Variants in DLGAP2 observed in about 807,000 individuals in gnomAD.
The protein encoded by DLGAP2 is disks large-associated protein 2.
Under a neutral mutation model 100.3 loss-of-function variants are expected in DLGAP2, and 26 were observed. The ratio of observed to expected loss-of-function variants is 0.26; its 90% confidence interval spans 0.19 to 0.36. The LOEUF (loss-of-function observed/expected upper bound fraction) is 0.36. Among genes scored for constraint, DLGAP2 ranks in the 10% least tolerant of loss-of-function variants. DLGAP2 has a pLI of 1.00. For synonymous variants in DLGAP2, 886 were observed against 630.1 expected (o/e 1.41, Z -6.08); for missense variants, 1,858 against 1,453.2 (o/e 1.28, Z -4.53).
rs72507627 is a variant in DLGAP2, at chr8:1,088,888, G to C, written c.74-169963G>C. On this transcript the variant is annotated intron_variant, in intron 2 of 14. Transcript: ENST00000637795. ...CACCCCTCATCCAGCAGGCTATGCC[G>C]TTCTCGCTCCCCCCGCCTCACTCTC... Among the ~76,000 whole-genome samples, 490 of 52,142 alleles carry C rather than the reference G, an allele frequency of 9.4e-3. 31 individuals are homozygous for C. The highest frequency in any genetic ancestry group is 0.023 in the Middle Eastern group (1 of 44). 34.2% of individuals were successfully genotyped at this position (52,142 alleles called of 152,430 possible). A position where few individuals can be genotyped will look rare whatever the true frequency, so the allele number is the denominator to read the frequency against.
At chr8:1,056,675 C>G (rs1425870417) in intron 2 of DLGAP2, among the ~76,000 whole-genome samples, 1 of 152,244 alleles carries the variant, frequency 6.6e-6, no homozygotes, top group Non-Finnish European at 1.5e-5. Flanking sequence ...CACTGTGCTG[C>G]TGTCAGCATC....
chr8:1,014,876 CGAT>C (rs1286614366), intron 2 of DLGAP2, among the ~76,000 whole-genome samples: 1 of 72 alleles, frequency 0.014, no homozygotes, highest in African/African-American at 0.17. Context: ...CCAGGACAGA[CGAT>C]GCCTCCACTG....
chr8:1,509,179 A>C lies in DLGAP2; in HGVS notation c.172+7748A>C, dbSNP rs9314430. On this transcript the variant is annotated intron_variant, in intron 4 of 14. Transcript: ENST00000637795. Reference sequence around the variant, plus strand: ...AACCCCGTCTCTACTAAAATACAAAATATTAGCCGGGCATGGTGGCGGGCG... The same window carrying C: ...AACCCCGTCTCTACTAAAATACAAACTATTAGCCGGGCATGGTGGCGGGCG... 2.0e-5 allele frequency among the ~76,000 whole-genome samples: 3 copies of C among 151,710 alleles called. No individual in the cohort carries two copies. The South Asian group carries it at 6.2e-4, about 32-fold the overall frequency.
At chr8:1,198,092 CTG>C (rs58627103) in intron 2 of DLGAP2, among the ~76,000 whole-genome samples, 53 of 150,704 alleles carry the variant, frequency 3.5e-4, no homozygotes, top group Middle Eastern at 3.5e-3. Flanking sequence ...CTGTGTGGTT[CTG>C]TGTGTGTGTG....
intron 3 of DLGAP2, among the ~76,000 whole-genome samples, chr8:1,378,272 G>T (rs745820454): frequency 6.6e-6 from 1 of 150,716 alleles, no homozygotes; most frequent in Admixed American, 6.6e-5. Flanking sequence ...GACTTCGCCT[G>T]TCTGTCCTGC....
intron 4 of DLGAP2, among the ~76,000 whole-genome samples, chr8:1,534,403 T>A (rs1801084064): frequency 6.6e-6 from 1 of 152,250 alleles, no homozygotes; most frequent in Non-Finnish European, 1.5e-5. Flanking sequence ...AAGATCTGTT[T>A]TAAAGCTACT....
chr8:831,317 CA>C (rs1796778723), intron 1 of DLGAP2, among the ~76,000 whole-genome samples: 1 of 150,646 alleles, frequency 6.6e-6, no homozygotes, highest in Non-Finnish European at 1.5e-5. Context: ...CTGCACCCAT[CA>C]ACTCGTCATT....
chr8:1,098,869 C>T (rs144479277), intron 2 of DLGAP2, among the ~76,000 whole-genome samples: 183 of 152,222 alleles, frequency 1.2e-3, no homozygotes, highest in Non-Finnish European at 2.1e-3. Context: ...CGGTAGGGCC[C>T]TTCGTCCTCA....
At chr8:1,597,843 A>G (rs956447237) in intron 6 of DLGAP2, among the ~76,000 whole-genome samples, 3 of 152,130 alleles carry the variant, frequency 2.0e-5, no homozygotes, top group African/African-American at 4.8e-5. Flanking sequence ...CTCTTTTCCT[A>G]TTTGAATACC....
At chr8:783,768 T>G (rs1821763711) in intron 1 of DLGAP2, among the ~76,000 whole-genome samples, 1 of 152,172 alleles carries the variant, frequency 6.6e-6, no homozygotes, top group African/African-American at 2.4e-5. Context: ...TCCGGAATCT[T>G]GCAGGGAGTG....
intron 3 of DLGAP2, among the ~76,000 whole-genome samples, chr8:1,281,107 A>G (rs1254569375): frequency 2.6e-5 from 4 of 152,234 alleles, no homozygotes; most frequent in Admixed American, 2.0e-4. Context: ...TATGTATGCC[A>G]AGTTCTTATA....
At chr8:1,476,621 C>A (rs767578183) in intron 3 of DLGAP2, among the ~76,000 whole-genome samples, 1 of 152,146 alleles carries the variant, frequency 6.6e-6, no homozygotes, top group Non-Finnish European at 1.5e-5. Context: ...GCCAGTCTCT[C>A]CCCCTCTCCT....
intron 3 of DLGAP2, among the ~76,000 whole-genome samples, chr8:1,460,916 ACT>A (rs1443797703): frequency 6.6e-6 from 1 of 152,072 alleles, no homozygotes; most frequent in Non-Finnish European, 1.5e-5. Flanking sequence ...ATCAGAAAGG[ACT>A]CTCTCCAGAG....
intron 1 of DLGAP2, among the ~76,000 whole-genome samples, chr8:887,577 A>G (rs1024802732): frequency 1.3e-5 from 2 of 152,340 alleles, no homozygotes; most frequent in Middle Eastern, 3.4e-3. Context: ...GGTGGTAATG[A>G]AATCCCTCAG....
intron 3 of DLGAP2, among the ~76,000 whole-genome samples, chr8:1,419,672 C>A (rs1054175675): frequency 6.6e-6 from 1 of 152,200 alleles, no homozygotes; most frequent in Admixed American, 6.5e-5. Context: ...GATACTGTCT[C>A]ACTCCAGTTA....
intron 2 of DLGAP2, among the ~76,000 whole-genome samples, chr8:1,122,807 C>G (rs1187920847): frequency 1.3e-5 from 2 of 149,314 alleles, no homozygotes; most frequent in Admixed American, 6.7e-5. Flanking sequence ...TTGATTCAGT[C>G]TTGAAAATAC....
rs150153706 is a variant in DLGAP2, at chr8:1,242,575, G to A, written c.74-16276G>A. 7.3e-3 allele frequency among the ~76,000 whole-genome samples: 1,118 copies of A among 152,300 alleles called. 8 individuals carry two copies. Among genetic ancestry groups the A allele is most frequent in the Middle Eastern group, 0.027 (8 of 294 alleles). On this transcript the variant is annotated intron_variant, in intron 2 of 14. Transcript: ENST00000637795. The stretch of plus-strand genomic sequence containing the variant: ...GGAAGCTCCCCCAGTGCAGAAGGAG[G>A]CCCACCCTCGCCTGAGCCCTCTGCG...
intron 2 of DLGAP2, among the ~76,000 whole-genome samples, chr8:1,250,035 C>T (rs1020478341): frequency 1.3e-5 from 2 of 152,098 alleles, no homozygotes; most frequent in Non-Finnish European, 2.9e-5. Flanking sequence ...TGCATGCTGC[C>T]ATACCCGGCT....
chr8:1,464,237 A>ACACCCTTCCAGGACGG (rs1798546665), intron 3 of DLGAP2, among the ~76,000 whole-genome samples: 2 of 34,798 alleles, frequency 5.7e-5, no homozygotes, highest in African/African-American at 2.8e-4. Flanking sequence ...TTCCAGGACG[A>ACACCCTTCCAGGACGG]CACCCTTCCA....
Sources: allele counts gnomAD v4.1 joint callset (sites outside exome capture counted in the v4.1 genomes callset), GRCh38; gene constraint gnomAD v4.1.1; transcripts MANE v1.5; gene names NCBI Gene and HGNC (gene_info 2026-07-23, HGNC 2026-07-21).